Variants in NAV1 observed in about 807,000 individuals in gnomAD.
NAV1 encodes neuron navigator 1, also known as pore membrane and/or filament interacting like protein 3.
NAV1 carries 18 observed loss-of-function variants against 175.2 expected under a neutral mutation model. The observed-to-expected ratio is 0.10, with a 90% CI of 0.07 to 0.15. NAV1 has a LOEUF of 0.15. Among genes scored for constraint, NAV1 ranks in the 10% least tolerant of loss-of-function variants. NAV1 has a pLI of 1.00. For missense variants in NAV1, 1,731 were observed against 2,436.6 expected, an observed-to-expected ratio of 0.71 and a Z score of 6.10; for synonymous variants, 897 against 978.7, an observed-to-expected ratio of 0.92 and a Z score of 1.56.
In NAV1 at chr1:201,781,318, G is replaced by A; in HGVS notation, c.1663+9G>A. 3 of 1,597,744 alleles carry A rather than the reference G, an allele frequency of 1.9e-6. No individual in the cohort carries two copies. Among genetic ancestry groups the A allele is most frequent in the Non-Finnish European group, 2.6e-6 (3 of 1,172,586 alleles). The stretch of plus-strand genomic sequence containing the variant: ...TGCCCTCAAAGTCGCAGGTGAGCCT[G>A]GAATAAAGGAAGGTACAAGGGCAAA... On this transcript the variant is annotated intron_variant, in intron 5 of 29. Coordinates refer to ENST00000367296, the Ensembl canonical transcript of NAV1.
chr1:201,697,917 C>T (rs1403304561), intron 1 of NAV1, among the ~76,000 whole-genome samples: 2 of 152,228 alleles, frequency 1.3e-5, no homozygotes, highest in Non-Finnish European at 2.9e-5. Context: ...GAAATCTAAA[C>T]AACAGCTCAG....
chr1:201,785,450 G>A (rs1676673269), intron 8 of NAV1, 99 bp downstream of exon 12: 4 of 1,279,182 alleles, frequency 3.1e-6, no homozygotes, highest in Non-Finnish European at 4.5e-6. Flanking sequence ...CATGAATTTA[G>A]TCACCCTTTT....
At chr1:201,790,951 C>A (rs914876724) in intron 13 of NAV1, 185 bp downstream of exon 17, 4 of 611,688 alleles carry the variant, frequency 6.5e-6, no homozygotes, top group African/African-American at 5.6e-5. Flanking sequence ...TGAGCCTCAA[C>A]TTTTATGAAG....
intron 3 of NAV1, among the ~76,000 whole-genome samples, chr1:201,743,938 G>A (rs1167755116): frequency 4.6e-5 from 7 of 152,148 alleles, no homozygotes; most frequent in Admixed American, 2.6e-4. Context: ...AGGCTGGAGT[G>A]CAATGGCATG....
chr1:201,626,968 C>T (rs1668346211), intron 1 of NAV1, among the ~76,000 whole-genome samples: 1 of 152,240 alleles, frequency 6.6e-6, no homozygotes, highest in Admixed American at 6.5e-5. Flanking sequence ...GAGATAAAGC[C>T]TGCCTTCCTC....
At chr1:201,729,044 G>A (rs1342344694) in intron 3 of NAV1, among the ~76,000 whole-genome samples, 2 of 152,246 alleles carry the variant, frequency 1.3e-5, no homozygotes, top group African/African-American at 4.8e-5. Flanking sequence ...TAAGGATCAA[G>A]GAAGCTGTTG....
Position 201,807,820 on chromosome 1 carries a change from G to A in NAV1, c.3649-133G>A. Reference sequence around the variant, plus strand: ...CCGTATTCTATGAATCAAGTGAAGTGTTATAGAGGGTGGCTTAATTAAAGT... The same window carrying A: ...CCGTATTCTATGAATCAAGTGAAGTATTATAGAGGGTGGCTTAATTAAAGT... On this transcript the variant is annotated intron_variant, in intron 17 of 29. Transcript: ENST00000367296. The surrounding 1 kb of genome is among the most constrained non-coding windows in gnomAD (Gnocchi z 5.4). The A allele has an allele frequency of 1.2e-6, 1 of 825,136 alleles. No homozygotes were observed. Among genetic ancestry groups the A allele is most frequent in the Non-Finnish European group, 2.0e-6 (1 of 498,930 alleles). The allele number at this position is 825,136 out of a possible 1,614,324, so 51.1% of individuals were successfully genotyped here.
At chr1:201,773,483 A>G (rs914189190) in intron 3 of NAV1, among the ~76,000 whole-genome samples, 1 of 152,228 alleles carries the variant, frequency 6.6e-6, no homozygotes, top group African/African-American at 2.4e-5. Flanking sequence ...TAGAACTGAT[A>G]AGAAGTCTTT....
chr1:201,753,594 G>A (rs533715353), intron 3 of NAV1, among the ~76,000 whole-genome samples: 6 of 152,278 alleles, frequency 3.9e-5, no homozygotes, highest in African/African-American at 7.2e-5. Flanking sequence ...CTCAAACACC[G>A]TGTGTTTTCA....
intron 1 of NAV1, among the ~76,000 whole-genome samples, chr1:201,666,278 G>A (rs1473668318): frequency 6.6e-6 from 1 of 151,902 alleles, no homozygotes; most frequent in East Asian, 1.9e-4. Context: ...ACTGACACTA[G>A]TATCAGCCTG....
upstream of NAV1, among the ~76,000 whole-genome samples, chr1:201,644,239 A>G (rs558719997): frequency 6.6e-6 from 1 of 152,304 alleles, no homozygotes; most frequent in Middle Eastern, 3.4e-3. Flanking sequence ...CTGTCATTCT[A>G]GAGAAGGGGT....
At chr1:201,769,901 G>A (rs974104637) in intron 3 of NAV1, among the ~76,000 whole-genome samples, 5 of 152,160 alleles carry the variant, frequency 3.3e-5, no homozygotes, top group African/African-American at 4.8e-5. Context: ...TTACTGATTC[G>A]CAAGGCATAT....
chr1:201,699,817 T>C (rs940082987), intron 1 of NAV1, among the ~76,000 whole-genome samples: 1 of 152,042 alleles, frequency 6.6e-6, no homozygotes, highest in Non-Finnish European at 1.5e-5. Context: ...CTTTGACAAA[T>C]GTGACAAAAA....
chr1:201,568,005 C>G (rs1022233325), intron 1 of NAV1, among the ~76,000 whole-genome samples: 1 of 152,240 alleles, frequency 6.6e-6, no homozygotes, highest in African/African-American at 2.4e-5. Context: ...TCGCCAAGAC[C>G]CTGCCATGCA....
chr1:201,650,245 G>T (rs1669142446), intron 1 of NAV1, among the ~76,000 whole-genome samples: 1 of 150,052 alleles, frequency 6.7e-6, no homozygotes, highest in Non-Finnish European at 1.5e-5. Context: ...CTCCGTGCCT[G>T]AAGAGTCTAT....
At chr1:201,702,744 T>C (rs1192420856) in intron 1 of NAV1, among the ~76,000 whole-genome samples, 1 of 147,482 alleles carries the variant, frequency 6.8e-6, no homozygotes, top group East Asian at 2.0e-4. Flanking sequence ...CCATTCTGAC[T>C]AGTGGCGACA....
intron 1 of NAV1, among the ~76,000 whole-genome samples, chr1:201,697,577 C>T (rs776357317): frequency 5.9e-5 from 9 of 152,220 alleles, no homozygotes; most frequent in Admixed American, 2.0e-4. Flanking sequence ...TATTCCAGTG[C>T]GCCTCAGTCT....
chr1:201,734,499 GAGAAGAAGA>G (rs60196611), intron 3 of NAV1, among the ~76,000 whole-genome samples: 6 of 121,060 alleles, frequency 5.0e-5, no homozygotes, highest in South Asian at 2.4e-4. Context: ...GAAGGAGAAG[GAGAAGAAGA>G]AGAAGAAGAA....
At chr1:201,756,603 C>A (rs1213113137) in intron 3 of NAV1, among the ~76,000 whole-genome samples, 4 of 152,194 alleles carry the variant, frequency 2.6e-5, no homozygotes, top group Non-Finnish European at 5.9e-5. Context: ...AAAATCCCTA[C>A]TTCCTTGCTG....
Sources: allele counts gnomAD v4.1 joint callset (sites outside exome capture counted in the v4.1 genomes callset), GRCh38; gene constraint gnomAD v4.1.1; non-coding constraint Gnocchi (gnomAD v3.1); transcripts MANE v1.5; gene names NCBI Gene and HGNC (gene_info 2026-07-23, HGNC 2026-07-21).